ERBB4: variants seen among roughly 807,000 people sequenced by gnomAD.
The protein encoded by ERBB4 is erb-b2 receptor tyrosine kinase 4, also known as receptor tyrosine-protein kinase erbB-4.
ERBB4 carries 42 observed loss-of-function variants against 158.0 expected under a neutral mutation model. The observed-to-expected ratio is 0.27, with a 90% CI of 0.21 to 0.34. The LOEUF (loss-of-function observed/expected upper bound fraction) is 0.34. ERBB4 is among the 10% of genes least tolerant of loss of function. The pLI, the probability that ERBB4 is intolerant of heterozygous loss-of-function variation, is 1.00. For synonymous variants in ERBB4, 583 were observed against 558.7 expected (o/e 1.04, Z -0.61); for missense variants, 1,333 against 1,624.1 (o/e 0.82, Z 3.08).
intron 1 of ERBB4, among the ~76,000 whole-genome samples, chr2:212,435,068 A>C (rs1045707013): frequency 6.6e-6 from 1 of 152,000 alleles, no homozygotes; most frequent in Non-Finnish European, 1.5e-5. Context: ...TACAGGAAAG[A>C]AACAATTTCA....
chr2:212,280,702 T>G (rs565533316), intron 1 of ERBB4, among the ~76,000 whole-genome samples: 3 of 151,700 alleles, frequency 2.0e-5, no homozygotes, highest in Admixed American at 6.6e-5. Flanking sequence ...GATTCCAGAA[T>G]AATGAAATCA....
chr2:212,376,415 C>G (rs1260196461), intron 1 of ERBB4, among the ~76,000 whole-genome samples: 1 of 151,986 alleles, frequency 6.6e-6, no homozygotes, highest in East Asian at 1.9e-4. Context: ...AGGCATTTTG[C>G]TTCTTGACCT....
At chr2:212,060,173 T>G (rs191207072) in intron 2 of ERBB4, among the ~76,000 whole-genome samples, 10 of 152,146 alleles carry the variant, frequency 6.6e-5, no homozygotes, top group Admixed American at 2.0e-4. Flanking sequence ...CTTCTCAAAA[T>G]AAGACATTTA....
At chr2:211,428,107 C>T (rs936801977) in intron 22 of ERBB4, among the ~76,000 whole-genome samples, 1 of 151,810 alleles carries the variant, frequency 6.6e-6, no homozygotes. Context: ...CTAATGCATG[C>T]AGGGCTTAAA....
chr2:211,600,058 T>G (rs759726572), intron 19 of ERBB4, among the ~76,000 whole-genome samples: 2 of 152,180 alleles, frequency 1.3e-5, no homozygotes, highest in African/African-American at 4.8e-5. Flanking sequence ...ATAGTGCTGT[T>G]CATTATAAGG....
intron 1 of ERBB4, among the ~76,000 whole-genome samples, chr2:212,298,649 T>C (rs531063123): frequency 4.6e-5 from 7 of 151,760 alleles, no homozygotes; most frequent in African/African-American, 1.7e-4. Flanking sequence ...ATCTTTCTCA[T>C]TATCCTCACT....
chr2:211,947,591 A>G lies in ERBB4; in HGVS notation c.260T>C (p.Val87Ala), dbSNP rs2080738050. The G allele has an allele frequency of 1.2e-6, 2 of 1,613,748 alleles. No homozygotes were observed. Among genetic ancestry groups the G allele is most frequent in the Non-Finnish European group, 1.7e-6 (2 of 1,179,868 alleles). ...ACGAAACTGATTAAGAGCCACTAAC[A>G]CGTAGCCTGTGACTTCTCGAACAGA... is the stretch of plus-strand genomic sequence containing the variant. The part of the protein sequence containing the change: ...LRSVREVTGY[V>A]LVALNQFRYL... Residue 87 changes from valine (V) to alanine (A), a missense_variant, in exon 3 of 28, where the codon GTG becomes GCG. Coordinates refer to ENST00000342788, the MANE Select transcript of ERBB4 (RefSeq NM_005235.3).
At chr2:211,745,008 A>T (rs903525753) in intron 5 of ERBB4, among the ~76,000 whole-genome samples, 6 of 152,252 alleles carry the variant, frequency 3.9e-5, no homozygotes, top group Non-Finnish European at 7.3e-5. Flanking sequence ...ATGTACTTTT[A>T]TATAGTCAAT....
At chr2:211,531,667 T>C (rs1157668977) in intron 20 of ERBB4, among the ~76,000 whole-genome samples, 1 of 152,108 alleles carries the variant, frequency 6.6e-6, no homozygotes, top group African/African-American at 2.4e-5. Context: ...TAACAAATGC[T>C]GGCGAGGATG....
intron 2 of ERBB4, among the ~76,000 whole-genome samples, chr2:212,113,560 C>T (rs940839329): frequency 3.7e-5 from 4 of 108,540 alleles, no homozygotes; most frequent in African/African-American, 7.2e-5. Context: ...AGTGACAGAG[C>T]GAGACTCCAT....
chr2:211,786,960 C>T (rs2076179282), intron 4 of ERBB4, among the ~76,000 whole-genome samples: 1 of 152,136 alleles, frequency 6.6e-6, no homozygotes, highest in African/African-American at 2.4e-5. Context: ...TCAAAGGTGA[C>T]AAGAAAATTA....
chr2:211,526,281 A>G (rs2066347276), intron 20 of ERBB4, among the ~76,000 whole-genome samples: 1 of 152,122 alleles, frequency 6.6e-6, no homozygotes, highest in African/African-American at 2.4e-5. Context: ...GGAGACAGTA[A>G]GACAAAAAAC....
At chr2:211,658,006 G>A (rs751949063) in intron 15 of ERBB4, 178 bp from the exon 16 acceptor site, 61 of 1,587,450 alleles carry the variant, frequency 3.8e-5, no homozygotes, top group Non-Finnish European at 5.2e-5. Context: ...TGCAGAAAAT[G>A]CAAATTTAAA....
chr2:212,402,454 G>A (rs2091235063), intron 1 of ERBB4, among the ~76,000 whole-genome samples: 1 of 151,974 alleles, frequency 6.6e-6, no homozygotes. Context: ...AGCCTACCCA[G>A]GTGATAAAAC....
intron 1 of ERBB4, among the ~76,000 whole-genome samples, chr2:212,501,585 A>G (rs1284621308): frequency 6.6e-6 from 1 of 152,180 alleles, no homozygotes; most frequent in African/African-American, 2.4e-5. Flanking sequence ...TTAAAACACA[A>G]ATATTTGTAA....
rs1281809730 is a variant in ERBB4, at chr2:212,188,249, CCCCTCCCT to C, written c.83-63354_83-63347del. On this transcript the variant is annotated intron_variant, in intron 1 of 27. Coordinates refer to ENST00000342788, the MANE Select transcript of ERBB4 (RefSeq NM_005235.3). ...CTCTCTCTCTCCCCCCCCCTCTCAC[CCCCTCCCT>C]CCCTCCCTCTTCTCTCCCTCCCTCT... Among the ~76,000 whole-genome samples the C allele has an allele frequency of 3.0e-5, 2 of 67,330 alleles. 1 individual carries two copies. Among genetic ancestry groups the C allele is most frequent in the East Asian group, 1.7e-3 (2 of 1,176 alleles). 44.2% of individuals were successfully genotyped at this position (67,330 alleles called of 152,430 possible).
At chr2:211,962,953 T>C (rs190059144) in intron 2 of ERBB4, among the ~76,000 whole-genome samples, 2 of 152,322 alleles carry the variant, frequency 1.3e-5, no homozygotes, top group Admixed American at 1.3e-4. Flanking sequence ...TTCTTTTAAA[T>C]GACATTAATA....
intron 20 of ERBB4, among the ~76,000 whole-genome samples, chr2:211,470,534 A>T (rs1027823864): frequency 3.9e-5 from 6 of 152,124 alleles, no homozygotes; most frequent in African/African-American, 1.2e-4. Flanking sequence ...TTTTACTTTC[A>T]TCTATTTATT....
chr2:211,408,934 T>C (rs187640919), intron 25 of ERBB4, among the ~76,000 whole-genome samples: 36 of 152,316 alleles, frequency 2.4e-4, no homozygotes, highest in Non-Finnish European at 5.0e-4. Context: ...ATTACACTGC[T>C]TGTAGCAAAC....
Sources: allele counts gnomAD v4.1 joint callset (sites outside exome capture counted in the v4.1 genomes callset), GRCh38; gene constraint gnomAD v4.1.1; transcripts MANE v1.5; gene names NCBI Gene and HGNC (gene_info 2026-07-23, HGNC 2026-07-21).